Variants in SYN3 observed in about 807,000 individuals in gnomAD.
SYN3 encodes the protein synapsin-3.
Under a neutral mutation model 65.8 loss-of-function variants are expected in SYN3, and 35 were observed. That is an observed-to-expected ratio of 0.53 (90% CI 0.41 to 0.70). The LOEUF (loss-of-function observed/expected upper bound fraction) is 0.70. SYN3 is among the 30% of genes least tolerant of loss of function. SYN3 has a pLI of 0.00. For synonymous variants in SYN3, 270 were observed against 292.9 expected, an observed-to-expected ratio of 0.92 and a Z score of 0.80; for missense variants, 680 against 749.0, an observed-to-expected ratio of 0.91 and a Z score of 1.08.
At chr22:32,602,557 G>A (rs2059300567) in intron 6 of SYN3, among the ~76,000 whole-genome samples, 1 of 152,120 alleles carries the variant, frequency 6.6e-6, no homozygotes, top group Admixed American at 6.5e-5. Flanking sequence ...CAACTCCCTG[G>A]TTCAAGCGAT....
chr22:32,979,077 G>A (rs888207608), intron 3 of SYN3, among the ~76,000 whole-genome samples: 1 of 151,548 alleles, frequency 6.6e-6, no homozygotes. Flanking sequence ...CATGCCTGTA[G>A]TCCCAGCTAC....
intron 6 of SYN3, among the ~76,000 whole-genome samples, chr22:32,639,532 T>C (rs944001395): frequency 2.0e-5 from 3 of 152,138 alleles, no homozygotes; most frequent in Non-Finnish European, 4.4e-5. Flanking sequence ...GTGAATTAAG[T>C]TCCTTTTCTT....
chr22:32,676,546 T>C (rs566635933), intron 6 of SYN3, among the ~76,000 whole-genome samples: 1 of 130,032 alleles, frequency 7.7e-6, no homozygotes, highest in Non-Finnish European at 1.6e-5. Context: ...TTTTTTTTTT[T>C]TTTTTTTTTT....
intron 2 of SYN3, among the ~76,000 whole-genome samples, chr22:32,997,356 C>T (rs912250008): frequency 6.6e-6 from 1 of 152,192 alleles, no homozygotes; most frequent in African/African-American, 2.4e-5. Context: ...CATTCATGTG[C>T]TTGTTCAGTC....
At chr22:32,575,526 A>C (rs1244662378) in intron 7 of SYN3, among the ~76,000 whole-genome samples, 3 of 152,156 alleles carry the variant, frequency 2.0e-5, no homozygotes, top group Non-Finnish European at 4.4e-5. Context: ...CCTGCGATGC[A>C]CTGGCTGATG....
chr22:33,047,519 T>C (rs180894895), intron 1 of SYN3, among the ~76,000 whole-genome samples: 15 of 152,234 alleles, frequency 9.9e-5, no homozygotes, highest in Non-Finnish European at 1.8e-4. Flanking sequence ...ATGTGTTAAG[T>C]TCAACATCTC....
intron 6 of SYN3, among the ~76,000 whole-genome samples, chr22:32,817,768 CAT>C (rs1233771998): frequency 2.6e-5 from 4 of 152,172 alleles, no homozygotes; most frequent in South Asian, 4.1e-4. Context: ...GATTGAAGGA[CAT>C]TGTGGTGAGT....
chr22:32,777,996 C>T (rs1360580077), intron 6 of SYN3, among the ~76,000 whole-genome samples: 1 of 152,190 alleles, frequency 6.6e-6, no homozygotes, highest in Non-Finnish European at 1.5e-5. Flanking sequence ...AGAAACACTA[C>T]ATTATTGCTA....
intron 6 of SYN3, among the ~76,000 whole-genome samples, chr22:32,676,511 T>G (rs1189492671): frequency 6.8e-6 from 1 of 147,342 alleles, no homozygotes; most frequent in Non-Finnish European, 1.5e-5. Context: ...TTCCATTTTC[T>G]TTCTTTTCTT....
chr22:33,023,965 T>C (rs1385660887), intron 1 of SYN3, among the ~76,000 whole-genome samples: 1 of 152,230 alleles, frequency 6.6e-6, no homozygotes, highest in Non-Finnish European at 1.5e-5. Flanking sequence ...ACCTTGGTGA[T>C]CATCTAGAAC....
At chr22:32,637,277 T>G (rs1300979210) in intron 6 of SYN3, among the ~76,000 whole-genome samples, 1 of 152,172 alleles carries the variant, frequency 6.6e-6, no homozygotes, top group African/African-American at 2.4e-5. Context: ...TTTTCTAACA[T>G]CTCTGTGCCT....
rs149875530 is a variant in SYN3, at chr22:32,636,769, A to C, written c.712-40033T>G. ...AAGCAGTGTCAGGAGATTTGGACAC[A>C]GGCTCAGTCCTGACATTCATTTGCT... On this transcript the variant is annotated intron_variant, in intron 6 of 13. Transcript: ENST00000358763. Among the ~76,000 whole-genome samples the C allele has an allele frequency of 1.6e-3, 241 of 152,322 alleles. 1 individual carries two copies. Among genetic ancestry groups the C allele is most frequent in the Middle Eastern group, 0.01 (3 of 294 alleles).
At chr22:33,037,008 A>ACC (rs777199296) in intron 1 of SYN3, among the ~76,000 whole-genome samples, 1 of 151,668 alleles carries the variant, frequency 6.6e-6, no homozygotes, top group Non-Finnish European at 1.5e-5. Context: ...AGTTCCAATC[A>ACC]CCCCTTTGAG....
intron 4 of SYN3, among the ~76,000 whole-genome samples, chr22:32,892,060 C>T (rs372055578): frequency 4.0e-5 from 6 of 151,806 alleles, no homozygotes; most frequent in South Asian, 2.1e-4. Flanking sequence ...TTTGGGAGAC[C>T]GAGGCGGGCG....
At chr22:32,988,639 C>T (rs1324078355) in intron 2 of SYN3, among the ~76,000 whole-genome samples, 1 of 152,006 alleles carries the variant, frequency 6.6e-6, no homozygotes, top group Non-Finnish European at 1.5e-5. Flanking sequence ...ACAAATATCC[C>T]CCTCAGCCCA....
intron 6 of SYN3, among the ~76,000 whole-genome samples, chr22:32,772,869 G>C (rs147376293): frequency 6.6e-6 from 1 of 152,174 alleles, no homozygotes; most frequent in Non-Finnish European, 1.5e-5. Context: ...AACTGACTTC[G>C]GACATCTGGC....
chr22:32,661,487 T>G (rs1291756293), intron 6 of SYN3, among the ~76,000 whole-genome samples: 2 of 152,264 alleles, frequency 1.3e-5, no homozygotes, highest in Non-Finnish European at 2.9e-5. Context: ...CCAAAGCTCT[T>G]TTCTTTCCTT....
chr22:33,015,869 T>C (rs2053456869), intron 1 of SYN3, among the ~76,000 whole-genome samples: 2 of 150,056 alleles, frequency 1.3e-5, no homozygotes, highest in African/African-American at 4.9e-5. Flanking sequence ...TTAAGACAGT[T>C]ACACTCTTGT....
chr22:32,954,755 C>T (rs2146846849), intron 3 of SYN3, among the ~76,000 whole-genome samples: 1 of 151,790 alleles, frequency 6.6e-6, no homozygotes, highest in Middle Eastern at 3.4e-3. Context: ...TGGAGCTGGG[C>T]ACTGTGGATT....
Sources: allele counts gnomAD v4.1 joint callset (sites outside exome capture counted in the v4.1 genomes callset), GRCh38; gene constraint gnomAD v4.1.1; transcripts MANE v1.5; gene names NCBI Gene and HGNC (gene_info 2026-07-23, HGNC 2026-07-21).